The following MYO1E variants were observed in gnomAD, a reference collection of about 807,000 sequenced individuals.
The protein encoded by MYO1E is unconventional myosin-Ie.
MYO1E carries 68 observed loss-of-function variants against 151.1 expected under a neutral mutation model. The observed-to-expected ratio is 0.45, with a 90% confidence interval of 0.37 to 0.55. The LOEUF (loss-of-function observed/expected upper bound fraction) is 0.55, where lower values mean the gene tolerates loss of function less well. Ranked by LOEUF, MYO1E falls within the 20% of genes least tolerant of loss-of-function variation. The pLI is 0.00. For missense variants in MYO1E, 1,363 were observed against 1,389.3 expected, an observed-to-expected ratio of 0.98 and a Z score of 0.30; for synonymous variants, 601 against 501.7, an observed-to-expected ratio of 1.20 and a Z score of -2.64.
At chr15:59,178,324 G>A (rs1211279678) in intron 19 of MYO1E, 69 bp downstream of exon 19, 5 of 1,574,762 alleles carry the variant, frequency 3.2e-6, no homozygotes, top group African/African-American at 1.4e-5. Context: ...GAAGCCAGCT[G>A]AGGGGTGGAG....
intron 1 of MYO1E, among the ~76,000 whole-genome samples, chr15:59,275,409 C>T (rs1056351569): frequency 1.3e-5 from 2 of 152,060 alleles, no homozygotes; most frequent in African/African-American, 2.4e-5. Context: ...CTCTCTCTTC[C>T]GCCCTCCCTC....
At chr15:59,308,934 G>A (rs1315196074) in intron 1 of MYO1E, among the ~76,000 whole-genome samples, 2 of 151,682 alleles carry the variant, frequency 1.3e-5, no homozygotes, top group Non-Finnish European at 2.9e-5. Context: ...AAAGAGCTCT[G>A]GGCCTCAGAG....
At chr15:59,143,497 A>G (rs2079423159) in intron 26 of MYO1E, among the ~76,000 whole-genome samples, 1 of 152,188 alleles carries the variant, frequency 6.6e-6, no homozygotes, top group Admixed American at 6.5e-5. Flanking sequence ...AGCGAGCCAC[A>G]GTGAGAGCCA....
At chr15:59,158,144 T>C in intron 25 of MYO1E, 143 bp downstream of exon 25, 1 of 761,904 alleles carries the variant, frequency 1.3e-6, no homozygotes, top group Non-Finnish European at 2.3e-6. Context: ...GTAGGGCTGC[T>C]GTGTTGTACA....
intron 1 of MYO1E, among the ~76,000 whole-genome samples, chr15:59,368,958 G>A (rs1434509911): frequency 2.0e-5 from 3 of 152,034 alleles, no homozygotes; most frequent in Non-Finnish European, 4.4e-5. Flanking sequence ...ATAATGTCCC[G>A]GACTCTAGGT....
chr15:59,224,768 T>C lies in MYO1E; in HGVS notation c.698A>G (p.Asp233Gly). 6.2e-7 allele frequency: 1 copy of C among 1,614,128 alleles called. No individual in the cohort carries two copies. Among genetic ancestry groups the C allele is most frequent in the Non-Finnish European group, 8.5e-7 (1 of 1,180,006 alleles). The part of the protein sequence containing the change: ...QKHSLGITSM[D>G]YYYYLSLSGS... The stretch of plus-strand genomic sequence containing the variant: ...CGAGAGGCTCAGGTAGTAATAATAG[T>C]CCATGCTGGTGATGCCAAGGCTGTG... Residue 233 changes from aspartate to glycine, a missense_variant, in exon 8 of 28, where the codon GAC becomes GGC. Asp to Gly is a moderately conservative substitution (Grantham distance 94, BLOSUM62 -1). Transcript: ENST00000288235.
At chr15:59,267,172 T>C (rs544501798) in intron 2 of MYO1E, among the ~76,000 whole-genome samples, 1 of 147,978 alleles carries the variant, frequency 6.8e-6, no homozygotes, top group Non-Finnish European at 1.5e-5. Flanking sequence ...ACTACAGGCA[T>C]GCGCCACTAC....
chr15:59,213,498 C>T (rs1397653203), intron 12 of MYO1E, among the ~76,000 whole-genome samples: 1 of 151,756 alleles, frequency 6.6e-6, no homozygotes, highest in Non-Finnish European at 1.5e-5. Context: ...TAGAGTCTTG[C>T]TCTGTTGCCT....
chr15:59,168,709 C>G (rs933613701), intron 22 of MYO1E, among the ~76,000 whole-genome samples: 8 of 152,150 alleles, frequency 5.3e-5, no homozygotes, highest in Non-Finnish European at 1.2e-4. Context: ...CAGCCTTGAC[C>G]TATTGGGCTC....
chr15:59,253,599 A>G (rs929708896), intron 4 of MYO1E, among the ~76,000 whole-genome samples: 1 of 149,794 alleles, frequency 6.7e-6, no homozygotes. Context: ...TCCCTGCCTC[A>G]GCCTCCCAAG....
intron 8 of MYO1E, among the ~76,000 whole-genome samples, chr15:59,224,165 A>G (rs2140350067): frequency 6.6e-6 from 1 of 152,278 alleles, no homozygotes; most frequent in African/African-American, 2.4e-5. Flanking sequence ...TCCATAATCT[A>G]CCTAGTTTCA....
intron 1 of MYO1E, among the ~76,000 whole-genome samples, chr15:59,336,345 C>T (rs905860393): frequency 4.6e-5 from 7 of 151,482 alleles, no homozygotes; most frequent in African/African-American, 1.7e-4. Flanking sequence ...ACTCCAGTCT[C>T]GGTGATGGGA....
chr15:59,320,335 T>C (rs542534376), intron 1 of MYO1E, among the ~76,000 whole-genome samples: 1 of 152,060 alleles, frequency 6.6e-6, no homozygotes, highest in East Asian at 1.9e-4. Flanking sequence ...AAAATTCCTA[T>C]GAAACCAAAA....
intron 18 of MYO1E, among the ~76,000 whole-genome samples, chr15:59,186,713 C>T (rs1432126843): frequency 2.6e-5 from 4 of 152,216 alleles, no homozygotes; most frequent in East Asian, 1.9e-4. Context: ...GATTGCACCA[C>T]TGCACTCCTG....
intron 18 of MYO1E, among the ~76,000 whole-genome samples, chr15:59,187,909 G>T (rs1454890089): frequency 6.6e-6 from 1 of 152,210 alleles, no homozygotes; most frequent in Non-Finnish European, 1.5e-5. Context: ...CCAGAGGCAA[G>T]GGGAGAATTG....
chr15:59,301,692 A>C (rs1289016070), intron 1 of MYO1E, among the ~76,000 whole-genome samples: 1 of 152,236 alleles, frequency 6.6e-6, no homozygotes, highest in Non-Finnish European at 1.5e-5. Flanking sequence ...GGCAGAGAGA[A>C]GAGGCTTAGC....
chr15:59,223,315 G>GAA (rs10711975), intron 8 of MYO1E, 124 bp from the exon 9 acceptor site: 428 of 775,334 alleles, frequency 5.5e-4, no homozygotes, highest in African/African-American at 5.3e-3. Flanking sequence ...GAGTTACAAA[G>GAA]AAAAAAAAAA....
intron 18 of MYO1E, among the ~76,000 whole-genome samples, chr15:59,184,939 C>T (rs1397331400): frequency 2.0e-5 from 3 of 152,154 alleles, no homozygotes; most frequent in Non-Finnish European, 2.9e-5. Context: ...TCCACATTCT[C>T]GCCAGCATTT....
intron 1 of MYO1E, among the ~76,000 whole-genome samples, chr15:59,275,689 T>C (rs1389706808): frequency 2.0e-5 from 3 of 152,054 alleles, no homozygotes; most frequent in African/African-American, 4.8e-5. Context: ...TGGGAGCAAC[T>C]CAGAGCCTTT....
Sources: allele counts gnomAD v4.1 joint callset (sites outside exome capture counted in the v4.1 genomes callset), GRCh38; gene constraint gnomAD v4.1.1; transcripts MANE v1.5; gene names NCBI Gene and HGNC (gene_info 2026-07-23, HGNC 2026-07-21).